CNGB3: variants seen among roughly 807,000 people sequenced by gnomAD.
The protein encoded by CNGB3 is cyclic nucleotide gated channel subunit beta 3, also known as cyclic nucleotide-gated channel beta-3.
A neutral mutation model predicts 92.8 loss-of-function variants in CNGB3; 86 were observed. The ratio of observed to expected loss-of-function variants is 0.93; its 90% CI spans 0.78 to 1.11. The LOEUF is 1.11. Among genes scored for constraint, CNGB3 ranks in the 50% least tolerant of loss-of-function variants. The probability of loss-of-function intolerance (pLI) is 0.00; values close to 1 mark genes in which losing one functional copy is unlikely to be tolerated. For synonymous variants in CNGB3, 333 were observed against 332.7 expected, an observed-to-expected ratio of 1.00 and a Z score of -0.01; for missense variants, 1,026 against 956.8, an observed-to-expected ratio of 1.07 and a Z score of -0.95.
intron 15 of CNGB3, among the ~76,000 whole-genome samples, chr8:86,583,029 G>GGGTTCAAGTGATTC: frequency 9.3e-5 from 1 of 10,808 alleles, no homozygotes; most frequent in East Asian, 8.3e-4. Flanking sequence ...TCTGCTTCCT[G>GGGTTCAAGTGATTC]TAGCTGGGAT....
At chr8:86,630,784 G>A (rs376463286) in intron 11 of CNGB3, among the ~76,000 whole-genome samples, 97 of 152,254 alleles carry the variant, frequency 6.4e-4, no homozygotes, top group African/African-American at 2.3e-3. Context: ...TGAGGTGAGA[G>A]GATTGCTTGA....
At chr8:86,657,886 G>T in intron 6 of CNGB3, 2 of 543,162 alleles carry the variant, frequency 3.7e-6, no homozygotes, top group Non-Finnish European at 7.4e-6. Flanking sequence ...GGAGGACAGG[G>T]TTCAGACGCT....
rs769655993 is a variant in CNGB3 at position 86,667,048 on chromosome 8, T to C, written c.729A>G (p.Pro243=). Reference sequence around the variant, plus strand: ...AGTGTATGTTGTCTGCGGTTTGATATGGGAAGACGAGGCGCAGTGGTATAA... The same window carrying C: ...AGTGTATGTTGTCTGCGGTTTGATACGGGAAGACGAGGCGCAGTGGTATAA... ...CCFIPLRLVF[P]YQTADNIHYW... The change falls in exon 6 of 18, where the codon CCA becomes CCG. Residue 243 remains proline (P), a synonymous_variant. Coordinates refer to ENST00000320005, the MANE Select transcript of CNGB3 (RefSeq NM_019098.5). 6.2e-7 allele frequency: 1 copy of C among 1,614,068 alleles called. No individual in the cohort carries two copies. Among genetic ancestry groups the C allele is most frequent in the Non-Finnish European group, 8.5e-7 (1 of 1,179,984 alleles).
intron 11 of CNGB3, among the ~76,000 whole-genome samples, chr8:86,632,072 A>C (rs930929176): frequency 7.2e-5 from 11 of 151,932 alleles, no homozygotes; most frequent in African/African-American, 2.7e-4. Flanking sequence ...GGTGGGGTGC[A>C]ACTGTAGTTG....
intron 7 of CNGB3, among the ~76,000 whole-genome samples, chr8:86,652,183 C>G (rs1823416734): frequency 6.6e-6 from 1 of 151,864 alleles, no homozygotes; most frequent in Non-Finnish European, 1.5e-5. Context: ...CACATCTAAA[C>G]ATTGAAAAGG....
At chr8:86,690,810 T>G (rs1330871629) in intron 3 of CNGB3, among the ~76,000 whole-genome samples, 65 of 152,188 alleles carry the variant, frequency 4.3e-4, no homozygotes, top group Non-Finnish European at 7.3e-5. Flanking sequence ...ATTTATTAAA[T>G]AGGGAATCCT....
chr8:86,663,401 G>A (rs992113796), intron 6 of CNGB3, among the ~76,000 whole-genome samples: 4 of 152,164 alleles, frequency 2.6e-5, no homozygotes, highest in Non-Finnish European at 5.9e-5. Flanking sequence ...TATCTTTGTA[G>A]CACCACTTTT....
chr8:86,721,805 T>C (rs1824975503), intron 3 of CNGB3, among the ~76,000 whole-genome samples: 1 of 152,208 alleles, frequency 6.6e-6, no homozygotes, highest in Non-Finnish European at 1.5e-5. Context: ...ATTCCTTTTC[T>C]ATTTCAACTA....
chr8:86,666,618 G>A (rs1171022143), intron 6 of CNGB3, among the ~76,000 whole-genome samples: 1 of 152,160 alleles, frequency 6.6e-6, no homozygotes, highest in African/African-American at 2.4e-5. Context: ...CTAGGCACCA[G>A]ACACAATCTA....
intron 7 of CNGB3, 68 bp downstream of exon 7, chr8:86,653,944 A>G (rs1172730983): frequency 9.6e-7 from 1 of 1,042,344 alleles, no homozygotes; most frequent in Non-Finnish European, 1.5e-6. Context: ...ATAGAAATCT[A>G]TAGATGGGAT....
chr8:86,635,350 G>C (rs923908192), intron 10 of CNGB3, among the ~76,000 whole-genome samples: 1 of 151,900 alleles, frequency 6.6e-6, no homozygotes, highest in Non-Finnish European at 1.5e-5. Flanking sequence ...ATAAGTGTTG[G>C]GATTACTTCC....
intron 15 of CNGB3, among the ~76,000 whole-genome samples, chr8:86,598,063 G>A (rs923138117): frequency 6.6e-6 from 1 of 152,186 alleles, no homozygotes; most frequent in Non-Finnish European, 1.5e-5. Flanking sequence ...ACCTGAAGTA[G>A]AGAGGTAGGC....
chr8:86,694,115 C>T (rs531891942), intron 3 of CNGB3, among the ~76,000 whole-genome samples: 11 of 104,660 alleles, frequency 1.1e-4, no homozygotes, highest in East Asian at 7.3e-4. Context: ...GGCGGCTGGC[C>T]GGGCGGGGGG....
chr8:86,731,439 G>A (rs1479233326), intron 2 of CNGB3, among the ~76,000 whole-genome samples: 1 of 152,186 alleles, frequency 6.6e-6, no homozygotes, highest in African/African-American at 2.4e-5. Flanking sequence ...ATCATCACAA[G>A]TAAAGAAATG....
At chr8:86,729,244 A>ATATATAT (rs1825119786) in intron 2 of CNGB3, among the ~76,000 whole-genome samples, 1 of 151,958 alleles carries the variant, frequency 6.6e-6, no homozygotes, top group Non-Finnish European at 1.5e-5. Context: ...TGCATCATAT[A>ATATATAT]CCTCCTCCAT....
At chr8:86,619,040 A>T (rs1475970871) in intron 13 of CNGB3, among the ~76,000 whole-genome samples, 1 of 152,254 alleles carries the variant, frequency 6.6e-6, no homozygotes, top group East Asian at 1.9e-4. Flanking sequence ...TGGGTTCTGC[A>T]TAATTACCAG....
intron 3 of CNGB3, among the ~76,000 whole-genome samples, chr8:86,704,876 TA>T (rs1308226139): frequency 2.6e-5 from 4 of 152,200 alleles, no homozygotes; most frequent in Non-Finnish European, 5.9e-5. Flanking sequence ...AAATACCGTC[TA>T]TTTTTTTCTT....
At chr8:86,671,127 A>G (rs771144707) in intron 3 of CNGB3, 29 bp from the exon 4 acceptor site, 2 of 1,611,108 alleles carry the variant, frequency 1.2e-6, no homozygotes, top group Non-Finnish European at 1.7e-6. Context: ...GGCAATAGAG[A>G]TGGGCCCATG....
chr8:86,677,423 C>T (rs975345171), intron 3 of CNGB3, among the ~76,000 whole-genome samples: 1 of 152,134 alleles, frequency 6.6e-6, no homozygotes, highest in Non-Finnish European at 1.5e-5. Context: ...ACATTTGGTA[C>T]AGAAAGCAGT....
Sources: allele counts gnomAD v4.1 joint callset (sites outside exome capture counted in the v4.1 genomes callset), GRCh38; gene constraint gnomAD v4.1.1; transcripts MANE v1.5; gene names NCBI Gene and HGNC (gene_info 2026-07-23, HGNC 2026-07-21).